The following PPAT variants were observed in gnomAD, a reference collection of about 807,000 sequenced individuals.
The protein encoded by PPAT is amidophosphoribosyltransferase.
PPAT carries 20 observed loss-of-function variants against 60.2 expected under a neutral mutation model. That is an observed-to-expected ratio of 0.33 (90% CI 0.23 to 0.48). The LOEUF is 0.48. PPAT is among the 20% of genes least tolerant of loss of function. PPAT has a pLI of 0.99. For missense variants in PPAT, 349 were observed against 629.6 expected, an observed-to-expected ratio of 0.55 and a Z score of 4.77; for synonymous variants, 194 against 215.1, an observed-to-expected ratio of 0.90 and a Z score of 0.86.
chr4:56,414,674 T>C (rs572410348), intron 1 of PPAT, among the ~76,000 whole-genome samples: 3 of 152,344 alleles, frequency 2.0e-5, no homozygotes, highest in Non-Finnish European at 2.9e-5. Flanking sequence ...CACTACCATC[T>C]GTATGTTTGG....
At chr4:56,397,032 A>G (rs1185425317) in intron 9 of PPAT, among the ~76,000 whole-genome samples, 1 of 152,184 alleles carries the variant, frequency 6.6e-6, no homozygotes, top group Non-Finnish European at 1.5e-5. Context: ...TAAAAAGAAA[A>G]ATACAATTTA....
rs1163552526 is a variant in PPAT, at chr4:56,400,884, C to T, written c.914G>A (p.Arg305His). ...TTCAATCGCTAGCTGCTGGCCACAACGGTATCTTACTGTATAAACCATTTG... is the reference window on the plus strand; with the variant it reads ...TTCAATCGCTAGCTGCTGGCCACAATGGTATCTTACTGTATAAACCATTTG... ...EDQMVYTVRYRCGQQLAIEAP... is the reference protein window; with the variant it reads ...EDQMVYTVRYHCGQQLAIEAP... The change falls in exon 8 of 11, where the codon CGT (arginine) becomes CAT (histidine). Residue 305 changes from arginine (R) to histidine (H), a missense_variant. Physicochemically the swap from Arg to His is conservative, Grantham distance 29. Coordinates refer to ENST00000264220, the MANE Select transcript of PPAT (RefSeq NM_002703.5). The T allele has an allele frequency of 5.6e-6, 9 of 1,612,526 alleles. No homozygotes were observed. The highest frequency in any genetic ancestry group is 1.6e-4 in the Middle Eastern group (1 of 6,082).
At chr4:56,433,566 C>A (rs1717719756) in intron 1 of PPAT, among the ~76,000 whole-genome samples, 2 of 151,424 alleles carry the variant, frequency 1.3e-5, no homozygotes, top group Admixed American at 1.3e-4. Context: ...ATGAAAATTT[C>A]TTGAATAACT....
chr4:56,404,636 T>G (rs1330494196), intron 3 of PPAT, among the ~76,000 whole-genome samples: 1 of 152,154 alleles, frequency 6.6e-6, no homozygotes, highest in Non-Finnish European at 1.5e-5. Flanking sequence ...CTCTAAGTGG[T>G]GAATTTTTAA....
At chr4:56,405,329 A>T (rs532053167) in intron 3 of PPAT, among the ~76,000 whole-genome samples, 2 of 152,238 alleles carry the variant, frequency 1.3e-5, no homozygotes, top group African/African-American at 4.8e-5. Context: ...AAGAAGATTT[A>T]TATATGTTAT....
In PPAT at chr4:56,435,603, G is replaced by C. The variant is rs1009967280; in HGVS notation, c.-126C>G. The C allele has an allele frequency of 2.2e-5, 34 of 1,529,762 alleles. No homozygotes were observed. The highest frequency in any genetic ancestry group is 2.9e-5 in the Non-Finnish European group (33 of 1,131,042). The allele number at this position is 1,529,762 out of a possible 1,614,324, so 94.8% of individuals were successfully genotyped here. Reference sequence around the variant, plus strand: ...CGACAGGCTCTTCCTTCCCGAGGGTGGCCCCAGCTACTGCGGCGGCGCGCG... The same window carrying C: ...CGACAGGCTCTTCCTTCCCGAGGGTCGCCCCAGCTACTGCGGCGGCGCGCG... On this transcript the variant is annotated 5_prime_UTR_variant, in exon 1 of 11. Transcript: ENST00000264220.
At chr4:56,432,314 G>A (rs991820373) in intron 1 of PPAT, among the ~76,000 whole-genome samples, 4 of 152,036 alleles carry the variant, frequency 2.6e-5, no homozygotes, top group African/African-American at 9.7e-5. Flanking sequence ...GATCACTTGA[G>A]GCCAGGAGTT....
chr4:56,398,435 A>C (rs1420711484), intron 9 of PPAT, among the ~76,000 whole-genome samples: 1 of 152,200 alleles, frequency 6.6e-6, no homozygotes, highest in Non-Finnish European at 1.5e-5. Flanking sequence ...CATGTCTTCA[A>C]GTAGAGAAAG....
intron 3 of PPAT, among the ~76,000 whole-genome samples, chr4:56,403,768 G>A (rs902071431): frequency 2.6e-5 from 4 of 152,128 alleles, no homozygotes; most frequent in Non-Finnish European, 5.9e-5. Flanking sequence ...TCCCATCTGG[G>A]GGTGATGGGA....
chr4:56,430,264 G>T (rs1324620912), intron 1 of PPAT, among the ~76,000 whole-genome samples: 2 of 152,122 alleles, frequency 1.3e-5, no homozygotes, highest in East Asian at 3.9e-4. Flanking sequence ...GGAAGGCAGG[G>T]TCATAGGGCA....
intron 1 of PPAT, among the ~76,000 whole-genome samples, chr4:56,429,856 T>C (rs932079006): frequency 2.6e-5 from 4 of 152,360 alleles, no homozygotes; most frequent in Middle Eastern, 3.4e-3. Context: ...TTGGGATTCA[T>C]ACTATATGTA....
rs1322127043 is a variant in PPAT, at chr4:56,394,037, T to C, written c.*1315A>G. 6.6e-6 allele frequency: 1 copy of C among 152,158 alleles called. No homozygotes were observed. Among genetic ancestry groups the C allele is most frequent in the East Asian group, 1.9e-4 (1 of 5,196 alleles). 9.4% of individuals were successfully genotyped at this position (152,158 alleles called of 1,614,324 possible). On this transcript the variant is annotated 3_prime_UTR_variant, in exon 11 of 11. Transcript: ENST00000264220. Reference sequence around the variant, plus strand: ...AATAAATATTAAATTTCTAAATGGATCTGGACACTATATACATCAAATTAT... The same window carrying C: ...AATAAATATTAAATTTCTAAATGGACCTGGACACTATATACATCAAATTAT...
At chr4:56,415,807 T>C (rs1423956170) in intron 1 of PPAT, among the ~76,000 whole-genome samples, 1 of 152,168 alleles carries the variant, frequency 6.6e-6, no homozygotes, top group African/African-American at 2.4e-5. Context: ...CTGGGCACAG[T>C]GGCTCACACC....
At chr4:56,414,990 T>A (rs1560644215) in intron 1 of PPAT, among the ~76,000 whole-genome samples, 1 of 152,252 alleles carries the variant, frequency 6.6e-6, no homozygotes, top group Non-Finnish European at 1.5e-5. Flanking sequence ...GATGTGCTTT[T>A]GTACTTATGT....
chr4:56,433,397 T>TAAAA (rs34598008), intron 1 of PPAT, among the ~76,000 whole-genome samples: 4 of 118,250 alleles, frequency 3.4e-5, no homozygotes, highest in Non-Finnish European at 5.2e-5. Context: ...TGGTATTCAT[T>TAAAA]AAAAAAAAAA....
At chr4:56,402,850 G>GAAAAAA (rs1177644230) in intron 5 of PPAT, among the ~76,000 whole-genome samples, 190 bp downstream of exon 5, 43 of 41,128 alleles carry the variant, frequency 1.0e-3, no homozygotes, top group African/African-American at 3.9e-3. Context: ...AAAAAAAAAG[G>GAAAAAA]GGGGGGACTC....
rs372347739 is a variant in PPAT, at chr4:56,413,789, TG to T, written c.129-6074del. On this transcript the variant is annotated intron_variant, in intron 1 of 10. Coordinates refer to ENST00000264220, the MANE Select transcript of PPAT (RefSeq NM_002703.5). Reference sequence around the variant, plus strand: ...GTGGGCACCTGTAATCCCAGCTACTTGGGAGGCTGAGACAGGAGAATCGCTT... The same window carrying T: ...GTGGGCACCTGTAATCCCAGCTACTTGGAGGCTGAGACAGGAGAATCGCTT... Among the ~76,000 whole-genome samples the T allele has an allele frequency of 2.7e-4, 41 of 151,988 alleles. No homozygotes were observed. The South Asian group carries it at 3.3e-3, about 12-fold the overall frequency.
intron 10 of PPAT, among the ~76,000 whole-genome samples, chr4:56,395,976 G>A (rs1442768760): frequency 6.6e-6 from 1 of 152,114 alleles, no homozygotes; most frequent in Non-Finnish European, 1.5e-5. Context: ...GATAATATAG[G>A]CAGCATAGTT....
At chr4:56,427,325 T>C (rs777379797) in intron 1 of PPAT, among the ~76,000 whole-genome samples, 26 of 152,220 alleles carry the variant, frequency 1.7e-4, no homozygotes, top group Non-Finnish European at 2.8e-4. Context: ...AGCATGTATA[T>C]GTTTTTATGT....
Sources: allele counts gnomAD v4.1 joint callset (sites outside exome capture counted in the v4.1 genomes callset), GRCh38; gene constraint gnomAD v4.1.1; transcripts MANE v1.5; gene names NCBI Gene and HGNC (gene_info 2026-07-23, HGNC 2026-07-21).